The following ADCK2 variants were observed in gnomAD, a reference collection of about 807,000 sequenced individuals.
The protein encoded by ADCK2 is uncharacterized aarF domain-containing protein kinase 2.
Under a neutral mutation model 52.3 loss-of-function variants are expected in ADCK2, and 37 were observed. That is an observed-to-expected ratio of 0.71 (90% CI 0.54 to 0.93). The LOEUF (loss-of-function observed/expected upper bound fraction) is 0.93, where lower values mean the gene tolerates loss of function less well. Ranked by LOEUF, ADCK2 falls within the 40% of genes least tolerant of loss-of-function variation. The pLI is 0.00. For synonymous variants in ADCK2, 321 were observed against 349.2 expected (o/e 0.92, Z 0.90); for missense variants, 695 against 798.7 (o/e 0.87, Z 1.56).
At chr7:140,680,063 G>A (rs1017639839) in intron 3 of ADCK2, among the ~76,000 whole-genome samples, 1 of 152,108 alleles carries the variant, frequency 6.6e-6, no homozygotes, top group Admixed American at 6.5e-5. Flanking sequence ...GTGTGAACTT[G>A]AGCAAGTTGC....
In ADCK2 at chr7:140,673,788, G is replaced by C; in HGVS notation, c.458G>C (p.Ser153Thr). 1 of 1,613,666 alleles carries C rather than the reference G, an allele frequency of 6.2e-7. No individual in the cohort carries two copies. Among genetic ancestry groups the C allele is most frequent in the South Asian group, 1.1e-5 (1 of 91,074 alleles). ...TACATCAAACTGGGCCAGTGGGCCA[G>C]CACCCGGCGCGATCTGTTTTCGGAG... The part of the protein sequence containing the change: ...PTYIKLGQWA[S>T]TRRDLFSEAF... Residue 153 changes from serine (S) to threonine (T), a missense_variant, in exon 1 of 8, where the codon AGC becomes ACC. Ser to Thr is a moderately conservative substitution (Grantham distance 58). Transcript: ENST00000072869. The surrounding 1 kb of genome is among the most constrained non-coding windows in gnomAD (Gnocchi z 6.4).
intron 7 of ADCK2, among the ~76,000 whole-genome samples, chr7:140,691,146 G>A (rs866949076): frequency 2.0e-5 from 3 of 151,966 alleles, no homozygotes; most frequent in East Asian, 1.9e-4. Flanking sequence ...GGCTGATCTC[G>A]AACTCCTGAC....
At chr7:140,683,628 G>A (rs948891140) in intron 4 of ADCK2, among the ~76,000 whole-genome samples, 6 of 152,186 alleles carry the variant, frequency 3.9e-5, no homozygotes, top group African/African-American at 1.2e-4. Flanking sequence ...GCTGAAGAGG[G>A]GCCTGGCCGC....
At chr7:140,684,990 G>A (rs1167899715) in intron 4 of ADCK2, among the ~76,000 whole-genome samples, 5 of 152,142 alleles carry the variant, frequency 3.3e-5, no homozygotes, top group Middle Eastern at 3.4e-3. Context: ...GGAGTGGAGC[G>A]AGGATGAGGG....
intron 4 of ADCK2, among the ~76,000 whole-genome samples, chr7:140,681,922 C>T (rs572129484): frequency 2.0e-5 from 3 of 152,290 alleles, no homozygotes; most frequent in East Asian, 3.9e-4. Context: ...TGCCCGGCCT[C>T]TTAAGTGCTT....
At chr7:140,682,825 A>G in intron 4 of ADCK2, among the ~76,000 whole-genome samples, 1 of 124,394 alleles carries the variant, frequency 8.0e-6, no homozygotes, top group East Asian at 2.1e-4. Context: ...CCCTGTCACT[A>G]CAAAAAAAAA....
At chr7:140,684,178 C>A (rs1156885496) in intron 4 of ADCK2, among the ~76,000 whole-genome samples, 1 of 152,150 alleles carries the variant, frequency 6.6e-6, no homozygotes, top group Non-Finnish European at 1.5e-5. Flanking sequence ...GTTTTGAGTT[C>A]AAATCTCAGC....
intron 4 of ADCK2, among the ~76,000 whole-genome samples, chr7:140,684,707 G>A (rs988680233): frequency 2.6e-5 from 4 of 152,142 alleles, no homozygotes; most frequent in African/African-American, 9.7e-5. Flanking sequence ...CAGCACGCAC[G>A]CACATGCGGA....
At chr7:140,687,269 G>A in intron 5 of ADCK2, 28 bp downstream of exon 5, 1 of 1,522,774 alleles carries the variant, frequency 6.6e-7, no homozygotes, top group African/African-American at 1.4e-5. Context: ...CACAGAAGTT[G>A]GGGTGAATTT....
Position 140,694,745 on chromosome 7 carries a change from T to A in ADCK2, c.1823T>A (p.Leu608Gln). 1 of 1,614,114 alleles carries A rather than the reference T, an allele frequency of 6.2e-7. No homozygotes were observed. The highest frequency in any genetic ancestry group is 8.5e-7 in the Non-Finnish European group (1 of 1,179,978). ...EGLGRSLDPK[L>Q]DILEAARPFL... ...CTTGGCCGCTCACTGGACCCCAAAC[T>A]GGACATCCTGGAGGCAGCGAGGCCC... is the stretch of plus-strand genomic sequence containing the variant. The change falls in exon 8 of 8, where the codon CTG (leucine) becomes CAG (glutamine). Residue 608 changes from leucine to glutamine, a missense_variant. Leu to Gln is a moderately radical substitution (Grantham distance 113). Coordinates refer to ENST00000072869, the MANE Select transcript of ADCK2 (RefSeq NM_052853.4).
intron 5 of ADCK2, among the ~76,000 whole-genome samples, chr7:140,687,610 A>G (rs566387766): frequency 6.6e-6 from 1 of 152,046 alleles, no homozygotes; most frequent in African/African-American, 2.4e-5. Context: ...GTTACTTGGG[A>G]GGCTGAGGCA....
rs1167680822 is a variant in ADCK2, at chr7:140,674,135, G to A, written c.805G>A (p.Asp269Asn). The A allele has an allele frequency of 6.2e-7, 1 of 1,614,020 alleles. No individual in the cohort carries two copies. Among genetic ancestry groups the A allele is most frequent in the Non-Finnish European group, 8.5e-7 (1 of 1,180,042 alleles). The change falls in exon 1 of 8, where the codon GAC (aspartate) becomes AAC (asparagine). Residue 269 changes from aspartate (D) to asparagine (N), a missense_variant. Physicochemically the swap from Asp to Asn is conservative, Grantham distance 23. Coordinates refer to ENST00000072869, the MANE Select transcript of ADCK2 (RefSeq NM_052853.4). This position sits in a 1 kb window ranked among gnomAD's most constrained non-coding sequence, Gnocchi z 4.6. Reference sequence around the variant, plus strand: ...CCGGAAACCTCCAGAAAATCTCGCAGACCAGTCGTTTCTAGAAAGGCTGCT... The same window carrying A: ...CCGGAAACCTCCAGAAAATCTCGCAAACCAGTCGTTTCTAGAAAGGCTGCT... ...NGRKPPENLA[D>N]QSFLERLLLP...
intron 5 of ADCK2, among the ~76,000 whole-genome samples, chr7:140,687,589 C>G (rs1794626959): frequency 2.0e-5 from 3 of 152,026 alleles, no homozygotes; most frequent in Admixed American, 2.0e-4. Flanking sequence ...TGGTGTGTAC[C>G]TGTAATCCCA....
intron 6 of ADCK2, among the ~76,000 whole-genome samples, chr7:140,690,043 C>T (rs1377497301): frequency 6.6e-6 from 1 of 152,098 alleles, no homozygotes; most frequent in Non-Finnish European, 1.5e-5. Context: ...TGCGCATGTC[C>T]CTTATTTAAA....
In ADCK2 at chr7:140,674,284, C is replaced by A; in HGVS notation, c.933+21C>A. 6.3e-7 allele frequency: 1 copy of A among 1,592,256 alleles called. No individual in the cohort carries two copies. The highest frequency in any genetic ancestry group is 1.7e-5 in the Admixed American group (1 of 57,854). ...TGAAAGTAAGTGTTGTGAGAGCTCA[C>A]AGCTCACCTACCCACTGAGCTATCC... On this transcript the variant is annotated intron_variant, in intron 1 of 7. Coordinates refer to ENST00000072869, the MANE Select transcript of ADCK2 (RefSeq NM_052853.4). The surrounding 1 kb of genome is among the most constrained non-coding windows in gnomAD (Gnocchi z 4.6).
At chr7:140,680,454 A>ATT (rs764772839) in intron 3 of ADCK2, among the ~76,000 whole-genome samples, 6 of 143,136 alleles carry the variant, frequency 4.2e-5, no homozygotes, top group Admixed American at 7.0e-5. Context: ...CACCTGGGTA[A>ATT]TTTTTTTTTT....
Position 140,674,248 on chromosome 7 carries a change from C to T in ADCK2, c.918C>T (p.Ile306=). Residue 306 remains isoleucine, a synonymous_variant, in exon 1 of 8, where the codon ATC becomes ATT. Coordinates refer to ENST00000072869, the MANE Select transcript of ADCK2 (RefSeq NM_052853.4). The surrounding 1 kb of genome is among the most constrained non-coding windows in gnomAD (Gnocchi z 4.6). ...ACCAACCTGAGGCCACCAACCTCAT[C>T]TCCGTGGCAGTGAAAGTAAGTGTTG... ...PGHQPEATNL[I]SVAVKVLHPG... 1 of 1,611,986 alleles carries T rather than the reference C, an allele frequency of 6.2e-7. No individual in the cohort carries two copies. Among genetic ancestry groups the T allele is most frequent in the Non-Finnish European group, 8.5e-7 (1 of 1,178,826 alleles).
chr7:140,687,023 C>T lies in ADCK2; in HGVS notation c.1339C>T (p.His447Tyr), dbSNP rs1794615088. The change falls in exon 5 of 8, where the codon CAC (histidine) becomes TAC (tyrosine). Residue 447 changes from histidine (H) to tyrosine (Y), a missense_variant. Coordinates refer to ENST00000072869, the MANE Select transcript of ADCK2 (RefSeq NM_052853.4). ...GGATAACTTTGTCCATGCAGACCTT[C>T]ACCCTGGAAACATCCTGGTTCAGGG... ...FVDNFVHADL[H>Y]PGNILVQGAN... 1 of 1,614,180 alleles carries T rather than the reference C, an allele frequency of 6.2e-7. No individual in the cohort carries two copies. The highest frequency in any genetic ancestry group is 8.5e-7 in the Non-Finnish European group (1 of 1,180,038).
Position 140,674,488 on chromosome 7 carries a change from A to C in ADCK2, c.934-123A>C. On this transcript the variant is annotated intron_variant, in intron 1 of 7. Coordinates refer to ENST00000072869, the MANE Select transcript of ADCK2 (RefSeq NM_052853.4). This position sits in a 1 kb window ranked among gnomAD's most constrained non-coding sequence, Gnocchi z 4.6. The stretch of plus-strand genomic sequence containing the variant: ...GTGAACTAACTGCTTGGGTGTCGGG[A>C]CCACATCCTCTTTTCTTTGATAAGA... The C allele has an allele frequency of 5.4e-6, 7 of 1,286,802 alleles. No homozygotes were observed. Among genetic ancestry groups the C allele is most frequent in the Non-Finnish European group, 7.4e-6 (7 of 950,584 alleles). The allele number at this position is 1,286,802 out of a possible 1,614,324, so 79.7% of individuals were successfully genotyped here.
Sources: allele counts gnomAD v4.1 joint callset (sites outside exome capture counted in the v4.1 genomes callset), GRCh38; gene constraint gnomAD v4.1.1; non-coding constraint Gnocchi (gnomAD v3.1); transcripts MANE v1.5; gene names NCBI Gene and HGNC (gene_info 2026-07-23, HGNC 2026-07-21).